GGT6: variants seen among roughly 807,000 people sequenced by gnomAD.
The protein encoded by GGT6 is glutathione hydrolase 6.
In GGT6, 13 loss-of-function variants were observed where a neutral mutation model predicts 17.0. The ratio of observed to expected loss-of-function variants is 0.77; its 90% confidence interval spans 0.50 to 1.22. The LOEUF (loss-of-function observed/expected upper bound fraction) is 1.22. Ranked by LOEUF, GGT6 falls within the 50% of genes most tolerant of loss-of-function variation. GGT6 has a pLI of 0.00. For synonymous variants in GGT6, 305 were observed against 297.9 expected (o/e 1.02, Z -0.25); for missense variants, 628 against 643.7 (o/e 0.98, Z 0.26).
Position 4,559,571 on chromosome 17 carries a change from G to A in GGT6, c.330C>T (p.Ile110=), listed in dbSNP as rs377047398. ...HGPGVYHHGA[I]ISPAATCSHL... is the part of the protein sequence containing the mutation. Reference sequence around the variant, plus strand: ...GCACTGACTGACCTGCAGGGCTGATGATGGCACCGTGGTGGTATACGCCAG... The same window carrying A: ...GCACTGACTGACCTGCAGGGCTGATAATGGCACCGTGGTGGTATACGCCAG... Residue 110 remains isoleucine (I), a synonymous_variant, in exon 2 of 4, where the codon ATC becomes ATT. Transcript: ENST00000381550. The A allele has an allele frequency of 2.8e-5, 45 of 1,613,628 alleles. No homozygotes were observed. Among genetic ancestry groups the A allele is most frequent in the Non-Finnish European group, 3.7e-5 (44 of 1,180,002 alleles).
intron 3 of GGT6, 120 bp downstream of exon 3, chr17:4,559,223 C>G: frequency 8.4e-7 from 1 of 1,195,690 alleles, no homozygotes; most frequent in South Asian, 1.4e-5. Context: ...TGGACTGCTG[C>G]CCAAACCCTA....
At position 4,558,672 on chromosome 17, in the gene GGT6, CAGT is replaced by C; in HGVS notation, c.840_842del (p.Leu281del). On this transcript the variant is annotated inframe_deletion, in exon 4 of 4. Coordinates refer to ENST00000381550, the MANE Select transcript of GGT6 (RefSeq NM_001288702.2). ...CCCCCAGGTCTCCCGCCAGTAGACT[CAGT>C]AGAGCATCCCCAGCAAGGTCTGAGG... 1 of 1,602,336 alleles carries C rather than the reference CAGT, an allele frequency of 6.2e-7. No homozygotes were observed. The highest frequency in any genetic ancestry group is 8.5e-7 in the Non-Finnish European group (1 of 1,174,534).
At position 4,559,328 on chromosome 17, in the gene GGT6, T is replaced by C. The variant is rs1204953767; in HGVS notation, c.457+15A>G. 6.5e-7 allele frequency: 1 copy of C among 1,540,640 alleles called. No individual in the cohort carries two copies. Among genetic ancestry groups the C allele is most frequent in the African/African-American group, 1.4e-5 (1 of 72,838 alleles). ...TGTGGGTTGGGGTTGCAGTCTGGGGTCAGGGGTCACTGACCTAGCCCCGTG... is the reference window on the plus strand; with the variant it reads ...TGTGGGTTGGGGTTGCAGTCTGGGGCCAGGGGTCACTGACCTAGCCCCGTG... On this transcript the variant is annotated intron_variant, in intron 3 of 3. Transcript: ENST00000381550.
Position 4,558,633 on chromosome 17 carries a change from C to T in GGT6, c.882G>A (p.Ser294=), listed in dbSNP as rs144213610. The T allele has an allele frequency of 5.8e-5, 91 of 1,572,468 alleles. No homozygotes were observed. Among genetic ancestry groups the T allele is most frequent in the East Asian group, 3.8e-4 (17 of 44,318 alleles). The change falls in exon 4 of 4, where the codon TCG becomes TCA. Residue 294 remains serine (S), a synonymous_variant. Coordinates refer to ENST00000381550, the MANE Select transcript of GGT6 (RefSeq NM_001288702.2). ...LAGDLGVEVP[S]AVPRPTLEPA... is the part of the protein sequence containing the mutation. ...GTTCCAAAGTGGGCCTGGGCACAGC[C>T]GAGGGCACCTCCACCCCCAGGTCTC...
downstream of GGT6, among the ~76,000 whole-genome samples, chr17:4,556,344 G>A (rs1430455577): frequency 6.6e-6 from 1 of 152,146 alleles, no homozygotes; most frequent in East Asian, 1.9e-4. Context: ...AGGTGGGGTG[G>A]GTGATGGAGT....
At position 4,557,914 on chromosome 17, in the gene GGT6, C is replaced by T. The variant is rs978845310; in HGVS notation, c.*101G>A. ...GTGCTGAGATTACAGGTGTGAGGCACCACACCCTGCGGGTGCACACTCCAT... is the reference window on the plus strand; with the variant it reads ...GTGCTGAGATTACAGGTGTGAGGCATCACACCCTGCGGGTGCACACTCCAT... On this transcript the variant is annotated 3_prime_UTR_variant, in exon 4 of 4. Coordinates refer to ENST00000381550, the MANE Select transcript of GGT6 (RefSeq NM_001288702.2). 3 of 790,360 alleles carry T rather than the reference C, an allele frequency of 3.8e-6. No individual in the cohort carries two copies. The highest frequency in any genetic ancestry group is 5.9e-6 in the Non-Finnish European group (3 of 511,904). 49.0% of individuals were successfully genotyped at this position (790,360 alleles called of 1,614,324 possible). A position where few individuals can be genotyped will look rare whatever the true frequency, so the allele number is the denominator to read the frequency against.
Position 4,556,946 on chromosome 17 carries a change from A to G in GGT6, c.*1069T>C, listed in dbSNP as rs1330950259. 1 of 152,164 alleles carries G rather than the reference A, an allele frequency of 6.6e-6. No homozygotes were observed. The highest frequency in any genetic ancestry group is 1.5e-5 in the Non-Finnish European group (1 of 68,046). 9.4% of individuals were successfully genotyped at this position (152,164 alleles called of 1,614,324 possible). A position where few individuals can be genotyped will look rare whatever the true frequency, so the allele number is the denominator to read the frequency against. The stretch of plus-strand genomic sequence containing the variant: ...TGGTGCTTGGTTTCCGGGAGACTTG[A>G]TCTTTATTTTGTACCCAGTCTGGTT... On this transcript the variant is annotated 3_prime_UTR_variant, in exon 4 of 4. Transcript: ENST00000381550.
Position 4,558,619 on chromosome 17 carries a change from G to A in GGT6, c.896C>T (p.Pro299Leu). Residue 299 changes from proline (P) to leucine (L), a missense_variant, in exon 4 of 4, where the codon CCC becomes CTC. Physicochemically the swap from Pro to Leu is moderately conservative, Grantham distance 98 (BLOSUM62 -3). Transcript: ENST00000381550. ...GVEVPSAVPR[P>L]TLEPAEQLPV... The stretch of plus-strand genomic sequence containing the variant: ...TAGCTGCTCTGCTGGTTCCAAAGTG[G>A]GCCTGGGCACAGCCGAGGGCACCTC... 1 of 1,568,212 alleles carries A rather than the reference G, an allele frequency of 6.4e-7. No individual in the cohort carries two copies. The highest frequency in any genetic ancestry group is 8.6e-7 in the Non-Finnish European group (1 of 1,157,632).
chr17:4,558,089 G>A lies in GGT6; in HGVS notation c.1426C>T (p.Gln476Ter). The change falls in exon 4 of 4, where the codon CAG (glutamine) becomes TAG (stop). Residue 476 changes from glutamine to a stop codon, truncating the protein, a stop_gained. Coordinates refer to ENST00000381550, the MANE Select transcript of GGT6 (RefSeq NM_001288702.2). LOFTEE classifies it high-confidence loss of function. Reference sequence around the variant, plus strand: ...GCGTGCTCTGTGTGGGCTGCCACCTGGAGCAGGGTCCCTTGGCCACAAGTG... The same window carrying A: ...GCGTGCTCTGTGTGGGCTGCCACCTAGAGCAGGGTCCCTTGGCCACAAGTG... ...PSTCGQGTLL[Q>*]VAAHTEHAHV... 1 of 1,605,884 alleles carries A rather than the reference G, an allele frequency of 6.2e-7. No homozygotes were observed. The highest frequency in any genetic ancestry group is 1.1e-5 in the South Asian group (1 of 89,690).
chr17:4,558,397 G>A lies in GGT6; in HGVS notation c.1118C>T (p.Ser373Phe). The change falls in exon 4 of 4, where the codon TCC becomes TTC. Residue 373 changes from serine (S) to phenylalanine (F), a missense_variant. Physicochemically the swap from Ser to Phe is radical, Grantham distance 155. Transcript: ENST00000381550. ...DSSGSVLLLTSSLNCSFGSAH... is the reference protein window; with the variant it reads ...DSSGSVLLLTFSLNCSFGSAH... ...AGAGCCAAAGGAGCAGTTGAGCGAG[G>A]AGGTGAGAAGGAGCACAGAGCCGCT... The A allele has an allele frequency of 6.2e-7, 1 of 1,605,356 alleles. No homozygotes were observed. The highest frequency in any genetic ancestry group is 8.5e-7 in the Non-Finnish European group (1 of 1,180,006).
chr17:4,558,174 C>T lies in GGT6; in HGVS notation c.1341G>A (p.Arg447=), dbSNP rs752967328. Reference sequence around the variant, plus strand: ...GCTGGTGCTGGGCCTGGGTAGGGGGCCTTGCTGCCAGATGCCTGAGTAGGG... The same window carrying T: ...GCTGGTGCTGGGCCTGGGTAGGGGGTCTTGCTGCCAGATGCCTGAGTAGGG... The part of the protein sequence containing the change: ...THTLLRHLAA[R]PPTQAQHQHQ... The change falls in exon 4 of 4, where the codon AGG becomes AGA. Residue 447 remains arginine (R), a synonymous_variant. Coordinates refer to ENST00000381550, the MANE Select transcript of GGT6 (RefSeq NM_001288702.2). 1.7e-5 allele frequency: 28 copies of T among 1,614,018 alleles called. No individual in the cohort carries two copies. The South Asian group carries it at 2.7e-4, about 16-fold the overall frequency.
In GGT6 at chr17:4,559,715, T is replaced by C. The variant is rs1341639110; in HGVS notation, c.186A>G (p.Ala62=). 2 of 1,612,414 alleles carry C rather than the reference T, an allele frequency of 1.2e-6. No individual in the cohort carries two copies. Among genetic ancestry groups the C allele is most frequent in the Middle Eastern group, 1.7e-4 (1 of 6,028 alleles). The part of the protein sequence containing the change: ...GLPGTWARVV[A]ALLLLAVGCS... ...AGCCAACAGCCAGCAGCAGCAGGGC[T>C]GCCACTACACGGGCCCAGGTTCCGG... is the stretch of plus-strand genomic sequence containing the variant. The change falls in exon 2 of 4, where the codon GCA becomes GCG. Residue 62 remains alanine (A), a synonymous_variant. Transcript: ENST00000381550.
downstream of GGT6, among the ~76,000 whole-genome samples, chr17:4,556,417 T>C (rs1213685969): frequency 1.3e-5 from 2 of 151,970 alleles, no homozygotes; most frequent in African/African-American, 4.8e-5. Context: ...ACTGGGTACA[T>C]TGTGGTGCCA....
chr17:4,560,236 G>T, intron 1 of GGT6, 146 bp downstream of exon 1: 2 of 866,058 alleles, frequency 2.3e-6, no homozygotes, highest in Non-Finnish European at 3.6e-6. Flanking sequence ...TCGGGCTACA[G>T]CCTGGGTTTT....
At chr17:4,560,334 C>A (rs1027114121) in intron 1 of GGT6, 48 bp downstream of exon 1, 1 of 1,610,670 alleles carries the variant, frequency 6.2e-7, no homozygotes, top group African/African-American at 1.3e-5. Flanking sequence ...AGGGACTTGC[C>A]AACCTCAAGC....
rs1428317747 is a variant in GGT6, at chr17:4,560,405, G to A, written c.117C>T (p.Pro39=). 5 of 1,613,996 alleles carry A rather than the reference G, an allele frequency of 3.1e-6. No individual in the cohort carries two copies. The highest frequency in any genetic ancestry group is 1.1e-5 in the South Asian group (1 of 91,090). The part of the protein sequence containing the change: ...EETSEALVLN[P]RRHQDSSRNK... ...ACCTGGAAGAGTCCTGGTGCCTCCG[G>A]GGGTTTAGAACCAGCGCCTCTGATG... Residue 39 remains proline (P), a synonymous_variant, in exon 1 of 4, where the codon CCC becomes CCT. Transcript: ENST00000381550.
chr17:4,557,727 GC>G lies in GGT6; in HGVS notation c.*287del. ...TGCAGCCTTGAACTCCTGAGCTCAA[GC>G]GAGCTTCCTGCCTCAGCCTCCCAAG... On this transcript the variant is annotated 3_prime_UTR_variant, in exon 4 of 4. Transcript: ENST00000381550. 1 of 319,694 alleles carries G rather than the reference GC, an allele frequency of 3.1e-6. No homozygotes were observed. Among genetic ancestry groups the G allele is most frequent in the Non-Finnish European group, 5.8e-6 (1 of 172,908 alleles). 19.8% of individuals were successfully genotyped at this position (319,694 alleles called of 1,614,324 possible). A position where few individuals can be genotyped will look rare whatever the true frequency, so the allele number is the denominator to read the frequency against.
intron 1 of GGT6, 28 bp from the exon 2 acceptor site, chr17:4,559,788 G>A (rs1248458418): frequency 1.6e-5 from 25 of 1,600,796 alleles, no homozygotes; most frequent in Middle Eastern, 2.0e-4. Context: ...CCTGAGCCAC[G>A]GCTGGGACAG....
chr17:4,559,844 A>G, intron 1 of GGT6, 84 bp from the exon 2 acceptor site: 1 of 1,331,390 alleles, frequency 7.5e-7, no homozygotes, highest in Non-Finnish European at 1.0e-6. Context: ...TATTTCCCAA[A>G]AGGTTTGATT....
Sources: allele counts gnomAD v4.1 joint callset (sites outside exome capture counted in the v4.1 genomes callset), GRCh38; gene constraint gnomAD v4.1.1; transcripts MANE v1.5; gene names NCBI Gene and HGNC (gene_info 2026-07-23, HGNC 2026-07-21).